The following CDH22 variants were observed in gnomAD, a reference collection of about 807,000 sequenced individuals.
CDH22 encodes the protein cadherin 22.
CDH22 carries 30 observed loss-of-function variants against 58.4 expected under a neutral mutation model. That is an observed-to-expected ratio of 0.51 (90% confidence interval 0.38 to 0.70). The LOEUF (loss-of-function observed/expected upper bound fraction) is 0.70. Among genes scored for constraint, CDH22 ranks in the 30% least tolerant of loss-of-function variants. CDH22 has a pLI of 0.00. For missense variants in CDH22, 1,014 were observed against 1,233.9 expected (o/e 0.82, Z 2.67); for synonymous variants, 513 against 558.2 (o/e 0.92, Z 1.14).
chr20:46,301,508 T>A (rs189678403), intron 1 of CDH22, among the ~76,000 whole-genome samples: 2,964 of 148,962 alleles, frequency 0.02, 39 homozygotes, highest in Middle Eastern at 0.031. Flanking sequence ...TAAAAAAATA[T>A]ATATATATAT....
intron 1 of CDH22, among the ~76,000 whole-genome samples, chr20:46,278,847 C>A (rs1391500444): frequency 6.6e-6 from 1 of 152,200 alleles, no homozygotes. Flanking sequence ...CTTGGCCTCC[C>A]AAAGTATTGG....
rs1264874287 is a variant in CDH22, at chr20:46,210,989, G to C, written c.1033-429C>G. Among the ~76,000 whole-genome samples, 1 of 152,224 alleles carries C rather than the reference G, an allele frequency of 6.6e-6. No individual in the cohort carries two copies. The highest frequency in any genetic ancestry group is 1.5e-5 in the Non-Finnish European group (1 of 68,034). ...CATGAGGAAAACGAGGCCCAGAAAG[G>C]CTCAGTAACTTGCCCAAGTCACCGG... On this transcript the variant is annotated intron_variant, in intron 6 of 11. Coordinates refer to ENST00000537909, the MANE Select transcript of CDH22 (RefSeq NM_021248.3). This position sits in a 1 kb window ranked among gnomAD's most constrained non-coding sequence, Gnocchi z 4.5.
chr20:46,293,301 C>T (rs1317695499), intron 1 of CDH22, among the ~76,000 whole-genome samples: 1 of 152,156 alleles, frequency 6.6e-6, no homozygotes, highest in Non-Finnish European at 1.5e-5. Flanking sequence ...CTTTTATCCT[C>T]CATGAAGCTG....
At chr20:46,237,874 T>G (rs2086265029) in intron 3 of CDH22, among the ~76,000 whole-genome samples, 2 of 152,206 alleles carry the variant, frequency 1.3e-5, no homozygotes, top group Non-Finnish European at 2.9e-5. Flanking sequence ...GCCCAGCAAC[T>G]TGCTCTGTCA....
At chr20:46,215,929 C>T (rs1337138457) in intron 5 of CDH22, among the ~76,000 whole-genome samples, 3 of 151,912 alleles carry the variant, frequency 2.0e-5, no homozygotes, top group Non-Finnish European at 4.4e-5. Context: ...ACCGGGAAGC[C>T]GGTTGGTGAG....
At chr20:46,243,688 AG>A (rs939609677) in intron 2 of CDH22, among the ~76,000 whole-genome samples, 1 of 152,114 alleles carries the variant, frequency 6.6e-6, no homozygotes, top group African/African-American at 2.4e-5. Context: ...ATGGGATGAG[AG>A]GGGGTGATTC....
At chr20:46,307,240 T>A (rs1046812355) in intron 1 of CDH22, among the ~76,000 whole-genome samples, 1 of 152,190 alleles carries the variant, frequency 6.6e-6, no homozygotes, top group Non-Finnish European at 1.5e-5. Flanking sequence ...GGGGGTGCCC[T>A]GCACCTCGGG....
intron 1 of CDH22, among the ~76,000 whole-genome samples, chr20:46,293,322 G>C (rs2086613473): frequency 6.6e-6 from 1 of 152,196 alleles, no homozygotes; most frequent in Admixed American, 6.5e-5. Flanking sequence ...CCGCTACAGG[G>C]AGCTGTCTGT....
At chr20:46,266,100 C>T (rs2086458328) in intron 1 of CDH22, among the ~76,000 whole-genome samples, 3 of 152,104 alleles carry the variant, frequency 2.0e-5, no homozygotes, top group Admixed American at 2.0e-4. Context: ...TCTCTGTGGA[C>T]CTGAGTCTAT....
intron 1 of CDH22, among the ~76,000 whole-genome samples, chr20:46,270,702 C>A (rs1380861901): frequency 6.6e-6 from 1 of 152,174 alleles, no homozygotes; most frequent in Non-Finnish European, 1.5e-5. Flanking sequence ...GACCCTAAGT[C>A]TGTGTTCATC....
rs73908635 is a variant in CDH22 at position 46,175,168 on chromosome 20, C to G, written c.1916-91G>C. On this transcript the variant is annotated intron_variant, in intron 11 of 11. Transcript: ENST00000537909. The stretch of plus-strand genomic sequence containing the variant: ...ACCCCATCTCCTCCCGCCTCCCACC[C>G]AGCAGAGCGGGCCCAGCCTCAACAT... 6,042 of 1,276,472 alleles carry G rather than the reference C, an allele frequency of 4.7e-3. 208 individuals are homozygous for G. The African/African-American group carries it at 0.08, about 17-fold the overall frequency. The allele number at this position is 1,276,472 out of a possible 1,614,324, so 79.1% of individuals were successfully genotyped here.
rs961435495 is a variant in CDH22, at chr20:46,266,155, G to A, written c.-399-14462C>T. ...AGGATTCCTGGGGCAGAGACTGGGGGAATGGTACAGCAGGGTCCTTTGTCC... is the reference window on the plus strand; with the variant it reads ...AGGATTCCTGGGGCAGAGACTGGGGAAATGGTACAGCAGGGTCCTTTGTCC... On this transcript the variant is annotated intron_variant, in intron 1 of 11. Transcript: ENST00000537909. Among the ~76,000 whole-genome samples, 3 of 152,322 alleles carry A rather than the reference G, an allele frequency of 2.0e-5. No individual in the cohort carries two copies. The East Asian group carries it at 5.8e-4, about 29-fold the overall frequency.
chr20:46,181,748 C>CTTTCTTTCTTTCTTTCTTTCTTTCTTTCT (rs1555800212), intron 10 of CDH22, among the ~76,000 whole-genome samples: 2 of 26,316 alleles, frequency 7.6e-5, no homozygotes, highest in East Asian at 2.4e-3. Flanking sequence ...TCCTTCCTTC[C>CTTTCTTTCTTTCTTTCTTTCTTTCTTTCT]TTCCTTCTTT....
chr20:46,223,813 CCTTT>C (rs1180113143), intron 4 of CDH22, among the ~76,000 whole-genome samples: 2 of 26,764 alleles, frequency 7.5e-5, no homozygotes, highest in East Asian at 9.4e-4. Flanking sequence ...TTCCTTTCTT[CCTTT>C]CTTCCTTCCT....
At chr20:46,268,296 C>T (rs1209486353) in intron 1 of CDH22, among the ~76,000 whole-genome samples, 1 of 152,274 alleles carries the variant, frequency 6.6e-6, no homozygotes, top group Non-Finnish European at 1.5e-5. Context: ...GGGTCTGTCG[C>T]TTGCTGTGAT....
intron 2 of CDH22, among the ~76,000 whole-genome samples, chr20:46,243,377 G>A (rs2086305899): frequency 6.6e-6 from 1 of 152,206 alleles, no homozygotes; most frequent in Non-Finnish European, 1.5e-5. Context: ...CTGATTCTCA[G>A]CAGAAATTGC....
At chr20:46,293,036 A>C (rs2086611733) in intron 1 of CDH22, among the ~76,000 whole-genome samples, 2 of 152,112 alleles carry the variant, frequency 1.3e-5, no homozygotes, top group Non-Finnish European at 2.9e-5. Flanking sequence ...TGGTCCACAC[A>C]GTGCCTGGCA....
chr20:46,194,743 T>C (rs1328500004), intron 8 of CDH22, among the ~76,000 whole-genome samples: 1 of 152,208 alleles, frequency 6.6e-6, no homozygotes, highest in Non-Finnish European at 1.5e-5. Context: ...TATTAATTAT[T>C]TTTTGAGATG....
chr20:46,236,422 C>T (rs1245422817), intron 3 of CDH22, among the ~76,000 whole-genome samples: 1 of 148,722 alleles, frequency 6.7e-6, no homozygotes, highest in East Asian at 1.9e-4. Flanking sequence ...GCAAATTGCT[C>T]CTAATTCCTT....
Sources: gnomAD v4.1 joint callset for allele counts (sites outside exome capture counted in the v4.1 genomes callset) on GRCh38, gnomAD v4.1.1 for gene constraint, Gnocchi (gnomAD v3.1) non-coding constraint, MANE v1.5 for transcripts, NCBI Gene and HGNC (gene_info 2026-07-23, HGNC 2026-07-21) for gene names.